The following BICRAL variants were observed in gnomAD, a reference collection of about 807,000 sequenced individuals.
BICRAL encodes the protein BICRA like chromatin remodeling complex associated protein, also known as BRD4-interacting chromatin-remodeling complex-associated protein-like.
A neutral mutation model predicts 91.8 loss-of-function variants in BICRAL; 8 were observed. The observed-to-expected ratio is 0.09, with a 90% CI of 0.05 to 0.16. BICRAL has a LOEUF of 0.16. Ranked by LOEUF, BICRAL falls within the 10% of genes least tolerant of loss-of-function variation. The pLI is 1.00. For missense variants in BICRAL, 1,038 were observed against 1,310.9 expected, an observed-to-expected ratio of 0.79 and a Z score of 3.21; for synonymous variants, 445 against 491.1, an observed-to-expected ratio of 0.91 and a Z score of 1.24.
In BICRAL at chr6:42,858,625, C is replaced by G. The variant is rs140911674; in HGVS notation, c.2254+1389C>G. 3.3e-3 allele frequency among the ~76,000 whole-genome samples: 507 copies of G among 151,616 alleles called. 3 individuals are homozygous for G. Among genetic ancestry groups the G allele is most frequent in the African/African-American group, 0.012 (481 of 41,310 alleles). On this transcript the variant is annotated intron_variant, in intron 10 of 12. Coordinates refer to ENST00000314073, the MANE Select transcript of BICRAL (RefSeq NM_001393499.1). ...CTGAGGTCAGGAGTTCGAGACCAGCCTGACCAACATGGAGAAACCCTGTGT... is the reference window on the plus strand; with the variant it reads ...CTGAGGTCAGGAGTTCGAGACCAGCGTGACCAACATGGAGAAACCCTGTGT...
intron 6 of BICRAL, among the ~76,000 whole-genome samples, chr6:42,840,265 C>T (rs1764746328): frequency 6.6e-6 from 1 of 151,814 alleles, no homozygotes. Flanking sequence ...GTTTTTGAGA[C>T]AGAGTCTCGC....
upstream of BICRAL, among the ~76,000 whole-genome samples, chr6:42,781,588 GGTGGGTGGGT>G (rs1762907564): frequency 7.3e-6 from 1 of 137,216 alleles, no homozygotes. Flanking sequence ...AAACTGGGTG[GGTGGGTGGGT>G]GTGTGTGTGT....
chr6:42,856,870 G>T (rs902945963), intron 9 of BICRAL, among the ~76,000 whole-genome samples: 2 of 152,090 alleles, frequency 1.3e-5, no homozygotes, highest in Non-Finnish European at 2.9e-5. Context: ...ACACATAAAT[G>T]ATTGGTGGGA....
In BICRAL at chr6:42,832,578, C is replaced by CGTGTGT. The variant is rs59693040; in HGVS notation, c.1839+2431_1839+2436dup. Reference sequence around the variant, plus strand: ...TTTGGTTTCAAAGATATCAAAGGGGCGTGTGTGTGTGTGTGTGTGTGTGTG... The same window carrying CGTGTGT: ...TTTGGTTTCAAAGATATCAAAGGGGCGTGTGTGTGTGTGTGTGTGTGTGTGTGTGTG... On this transcript the variant is annotated intron_variant, in intron 6 of 12. Transcript: ENST00000314073. 7.0e-3 allele frequency among the ~76,000 whole-genome samples: 997 copies of CGTGTGT among 142,734 alleles called. 5 individuals are homozygous for CGTGTGT. The highest frequency in any genetic ancestry group is 0.012 in the African/African-American group (484 of 38,926). 93.6% of individuals were successfully genotyped at this position (142,734 alleles called of 152,430 possible).
At chr6:42,854,177 C>T (rs1765276418) in intron 8 of BICRAL, among the ~76,000 whole-genome samples, 1 of 152,106 alleles carries the variant, frequency 6.6e-6, no homozygotes, top group African/African-American at 2.4e-5. Context: ...TTTGACCCAA[C>T]TTTGACACTT....
chr6:42,823,903 G>A (rs959091693), intron 5 of BICRAL, among the ~76,000 whole-genome samples: 5 of 151,078 alleles, frequency 3.3e-5, no homozygotes, highest in African/African-American at 9.7e-5. Flanking sequence ...CAGCCTGGGC[G>A]ACAGAGCGAA....
intron 6 of BICRAL, among the ~76,000 whole-genome samples, chr6:42,840,113 T>A (rs1239394436): frequency 6.6e-6 from 1 of 152,170 alleles, no homozygotes; most frequent in African/African-American, 2.4e-5. Flanking sequence ...CGCTATGTTG[T>A]CCAAGCTGAA....
rs541925898 is a variant in BICRAL at position 42,783,339 on chromosome 6, T to A, written c.-102+1238T>A. 1.3e-4 allele frequency among the ~76,000 whole-genome samples: 20 copies of A among 152,182 alleles called. No homozygotes were observed. The East Asian group carries it at 2.5e-3, about 19-fold the overall frequency. On this transcript the variant is annotated intron_variant, in intron 1 of 12. Transcript: ENST00000314073. ...TTCGCCGCGCCGGCCAGAAGAGATG[T>A]GCGGCTGGGACGGCGCATTTTTGGC... is the stretch of plus-strand genomic sequence containing the variant.
At chr6:42,844,101 C>T (rs1764903314) in intron 6 of BICRAL, among the ~76,000 whole-genome samples, 1 of 150,536 alleles carries the variant, frequency 6.6e-6, no homozygotes, top group Non-Finnish European at 1.5e-5. Context: ...CGCGCCTGGC[C>T]AGCATATAAA....
At chr6:42,784,609 G>A (rs1303646728) in intron 1 of BICRAL, among the ~76,000 whole-genome samples, 1 of 152,196 alleles carries the variant, frequency 6.6e-6, no homozygotes, top group East Asian at 1.9e-4. Context: ...GTCTACCGGG[G>A]AATGAACTAA....
At chr6:42,795,392 C>G (rs1269328266) in intron 1 of BICRAL, among the ~76,000 whole-genome samples, 3 of 151,902 alleles carry the variant, frequency 2.0e-5, no homozygotes, top group African/African-American at 7.3e-5. Flanking sequence ...GATCGTGCCA[C>G]TGCACTCCAG....
rs543353564 is a variant in BICRAL at position 42,808,934 on chromosome 6, C to T, written c.-101-1372C>T. ...AGTGTCCTTGCCCTGTGTCTCCAGC[C>T]TCTGTAAAGCCTTGCCAGAAATTCT... is the stretch of plus-strand genomic sequence containing the variant. On this transcript the variant is annotated intron_variant, in intron 1 of 12. Transcript: ENST00000314073. 1.5e-3 allele frequency among the ~76,000 whole-genome samples: 225 copies of T among 152,272 alleles called. 4 individuals carry two copies. Among genetic ancestry groups the T allele is most frequent in the African/African-American group, 4.9e-3 (205 of 41,548 alleles).
At chr6:42,836,458 C>T (rs568571854) in intron 6 of BICRAL, among the ~76,000 whole-genome samples, 32 of 151,980 alleles carry the variant, frequency 2.1e-4, no homozygotes, top group African/African-American at 7.0e-4. Context: ...AGTGTGTTTC[C>T]GCTATAAGTT....
At chr6:42,779,769 T>G (rs1293752459), upstream of BICRAL, among the ~76,000 whole-genome samples, 4 of 152,096 alleles carry the variant, frequency 2.6e-5, no homozygotes, top group Non-Finnish European at 4.4e-5. Context: ...TACAGGTGCA[T>G]GCCACCATGC....
chr6:42,858,907 T>C (rs551819037), intron 10 of BICRAL, among the ~76,000 whole-genome samples: 19 of 152,208 alleles, frequency 1.2e-4, no homozygotes, highest in African/African-American at 3.9e-4. Context: ...CTGGCCATGC[T>C]CTTTCCCACC....
At chr6:42,778,310 G>A (rs562893862), upstream of BICRAL, among the ~76,000 whole-genome samples, 39 of 152,318 alleles carry the variant, frequency 2.6e-4, no homozygotes, top group Non-Finnish European at 5.0e-4. Context: ...CTGACAGAGC[G>A]TGAGTTTTGG....
chr6:42,838,494 G>C (rs1460949480), intron 6 of BICRAL, among the ~76,000 whole-genome samples: 1 of 152,162 alleles, frequency 6.6e-6, no homozygotes, highest in Non-Finnish European at 1.5e-5. Context: ...AAGGTGTCTT[G>C]TTCCCTTTGT....
chr6:42,816,159 A>G (rs1480420464), intron 2 of BICRAL, among the ~76,000 whole-genome samples: 1 of 151,430 alleles, frequency 6.6e-6, no homozygotes. Flanking sequence ...GCAGTTCGAG[A>G]CCAGCATGGG....
chr6:42,865,492 A>G lies in BICRAL; in HGVS notation c.*46A>G. On this transcript the variant is annotated 3_prime_UTR_variant, in exon 13 of 13. Transcript: ENST00000314073. ...CCCCGCCCCGAGACCCCACCCCGAG[A>G]CCCCACCCCGGACCAGTTACATTCG... The G allele has an allele frequency of 9.6e-7, 1 of 1,040,044 alleles. No individual in the cohort carries two copies. Among genetic ancestry groups the G allele is most frequent in the Non-Finnish European group, 1.4e-6 (1 of 705,842 alleles). 64.4% of individuals were successfully genotyped at this position (1,040,044 alleles called of 1,614,324 possible).
Sources: gnomAD v4.1 joint callset for allele counts (sites outside exome capture counted in the v4.1 genomes callset) on GRCh38, gnomAD v4.1.1 for gene constraint, MANE v1.5 for transcripts, NCBI Gene and HGNC (gene_info 2026-07-23, HGNC 2026-07-21) for gene names.